DSN1: variants seen among roughly 807,000 people sequenced by gnomAD.
DSN1 encodes DSN1 component of MIS12 kinetochore complex, also known as kinetochore-associated protein DSN1 homolog.
DSN1 carries 31 observed loss-of-function variants against 45.7 expected under a neutral mutation model. The observed-to-expected ratio is 0.68, with a 90% CI of 0.51 to 0.92. The LOEUF (loss-of-function observed/expected upper bound fraction) is 0.92. Ranked by LOEUF, DSN1 falls within the 40% of genes least tolerant of loss-of-function variation. The pLI, the probability that DSN1 is intolerant of heterozygous loss-of-function variation, is 0.00. For missense variants in DSN1, 394 were observed against 414.2 expected, an observed-to-expected ratio of 0.95 and a Z score of 0.42; for synonymous variants, 134 against 142.3, an observed-to-expected ratio of 0.94 and a Z score of 0.41.
chr20:36,758,522 G>A (rs771748756), intron 7 of DSN1, 36 bp downstream of exon 7: 1 of 1,566,004 alleles, frequency 6.4e-7, no homozygotes, highest in Non-Finnish European at 8.7e-7. Flanking sequence ...CCAGATGGGA[G>A]AACGAATTTA....
intron 10 of DSN1, among the ~76,000 whole-genome samples, chr20:36,753,168 A>C (rs1296420576): frequency 6.3e-5 from 9 of 143,272 alleles, no homozygotes; most frequent in African/African-American, 2.1e-4. Context: ...ACACAGTAAG[A>C]CCTTGTCTCT....
chr20:36,771,907 G>T (rs1047307417), intron 1 of DSN1, among the ~76,000 whole-genome samples: 1 of 152,108 alleles, frequency 6.6e-6, no homozygotes, highest in Non-Finnish European at 1.5e-5. Flanking sequence ...TTGAGACAGG[G>T]TCTTGCTCTG....
At chr20:36,754,572 G>A (rs1442610588) in intron 10 of DSN1, among the ~76,000 whole-genome samples, 191 bp downstream of exon 10, 1 of 152,142 alleles carries the variant, frequency 6.6e-6, no homozygotes, top group Non-Finnish European at 1.5e-5. Context: ...CTGTGCTTCT[G>A]TAGAATTTAC....
In DSN1 at chr20:36,752,422, G is replaced by A. The variant is rs146919614; in HGVS notation, c.*366C>T. On this transcript the variant is annotated 3_prime_UTR_variant, in exon 11 of 11. Transcript: ENST00000373750. ...AAATTAGTATCATTCCTTTACAATCGGAATCCAACTTGGCCACTAAAATGT... is the reference window on the plus strand; with the variant it reads ...AAATTAGTATCATTCCTTTACAATCAGAATCCAACTTGGCCACTAAAATGT... The A allele has an allele frequency of 5.8e-5, 10 of 171,660 alleles. No homozygotes were observed. In the East Asian group the frequency reaches 6.4e-4, roughly 11 times the overall value. The allele number at this position is 171,660 out of a possible 1,614,324, so 10.6% of individuals were successfully genotyped here.
rs1156515210 is a variant in DSN1 at position 36,770,979 on chromosome 20, T to C, written c.249A>G (p.Gln83=). The change falls in exon 3 of 11, where the codon CAA becomes CAG. Residue 83 remains glutamine (Q), a synonymous_variant. Coordinates refer to ENST00000373750, the MANE Select transcript of DSN1 (RefSeq NM_001145315.2). ...TGTCTTGATAACTGGCAGATTGTTC[T>C]TGAGGAGACAAATGAAGGGACTTCG... ...LQSKSLHLSP[Q]EQSASYQDRR... is the part of the protein sequence containing the mutation. The C allele has an allele frequency of 1.9e-6, 3 of 1,614,098 alleles. No individual in the cohort carries two copies. The highest frequency in any genetic ancestry group is 2.5e-6 in the Non-Finnish European group (3 of 1,180,054).
intron 6 of DSN1, among the ~76,000 whole-genome samples, chr20:36,761,691 T>C (rs1833745090): frequency 6.6e-6 from 1 of 151,104 alleles, no homozygotes; most frequent in African/African-American, 2.4e-5. Context: ...TGAAACTTCA[T>C]CTCTAGAAAA....
intron 3 of DSN1, among the ~76,000 whole-genome samples, chr20:36,769,618 A>C (rs1187957396): frequency 6.6e-6 from 1 of 152,214 alleles, no homozygotes; most frequent in Non-Finnish European, 1.5e-5. Flanking sequence ...CCTTAAAACT[A>C]ATCACAGTAG....
chr20:36,758,284 A>G, intron 7 of DSN1, 123 bp from the exon 8 acceptor site: 1 of 947,762 alleles, frequency 1.1e-6, no homozygotes, highest in East Asian at 2.6e-5. Flanking sequence ...AGGTCATTAC[A>G]GGGTTAGAAA....
chr20:36,770,734 T>C (rs998706988), intron 3 of DSN1, 139 bp downstream of exon 3: 16 of 935,864 alleles, frequency 1.7e-5, no homozygotes, highest in Non-Finnish European at 3.2e-6. Flanking sequence ...TACTAGGTGT[T>C]TGACATCAGT....
intron 5 of DSN1, 93 bp downstream of exon 5, chr20:36,766,675 AG>A: frequency 9.3e-7 from 1 of 1,075,180 alleles, no homozygotes. Flanking sequence ...TGGGGGAGCT[AG>A]TTTTATAAGG....
chr20:36,770,794 C>T, intron 3 of DSN1, 79 bp downstream of exon 3: 1 of 1,479,738 alleles, frequency 6.8e-7, no homozygotes, highest in Non-Finnish European at 9.0e-7. Context: ...TCTGCCATAC[C>T]TCACTGCCTC....
chr20:36,769,280 G>T (rs1015724143), intron 3 of DSN1, among the ~76,000 whole-genome samples: 3 of 152,224 alleles, frequency 2.0e-5, no homozygotes, highest in African/African-American at 7.2e-5. Context: ...TCAGCTGGTT[G>T]TGTTTTTAAA....
In DSN1 at chr20:36,758,172, C is replaced by G; in HGVS notation, c.651-11G>C. ...CGTTCTAAAGAAAACCTGTAAGAAT[C>G]AGGAAAAAAAGTTCAGTTAATTTTT... On this transcript the variant is annotated splice_polypyrimidine_tract_variant and intron_variant, in intron 7 of 10. Transcript: ENST00000373750. 1 of 1,612,356 alleles carries G rather than the reference C, an allele frequency of 6.2e-7. No individual in the cohort carries two copies. The highest frequency in any genetic ancestry group is 8.5e-7 in the Non-Finnish European group (1 of 1,179,046).
At chr20:36,753,005 C>A in intron 10 of DSN1, 108 bp from the exon 11 acceptor site, 1 of 858,946 alleles carries the variant, frequency 1.2e-6, no homozygotes, top group East Asian at 2.5e-5. Context: ...ATTACAAAGA[C>A]AAATAAGAGA....
In DSN1 at chr20:36,754,782, C is replaced by A. The variant is rs1986581127; in HGVS notation, c.942G>T (p.Gln314His). Reference sequence around the variant, plus strand: ...GCTTACCGAGCTGTACTGACACCTTCTGGAAGCACTGGGTACTTTCATCCA... The same window carrying A: ...GCTTACCGAGCTGTACTGACACCTTATGGAAGCACTGGGTACTTTCATCCA... Reference protein sequence around the residue: ...AFMDESTQCFQKVSVQLGKRS... With the variant: ...AFMDESTQCFHKVSVQLGKRS... The change falls in exon 10 of 11, where the codon CAG (glutamine) becomes CAT (histidine). Residue 314 changes from glutamine (Q) to histidine (H), a missense_variant. Coordinates refer to ENST00000373750, the MANE Select transcript of DSN1 (RefSeq NM_001145315.2). The A allele has an allele frequency of 6.2e-7, 1 of 1,613,830 alleles. No homozygotes were observed. The highest frequency in any genetic ancestry group is 1.3e-5 in the African/African-American group (1 of 74,912).
intron 1 of DSN1, among the ~76,000 whole-genome samples, chr20:36,772,700 G>C (rs1355619018): frequency 6.6e-6 from 1 of 152,216 alleles, no homozygotes; most frequent in Non-Finnish European, 1.5e-5. Flanking sequence ...CCTATTCCCT[G>C]TACTACTTCT....
chr20:36,767,197 C>T (rs1013324234), intron 4 of DSN1, among the ~76,000 whole-genome samples: 2 of 151,832 alleles, frequency 1.3e-5, no homozygotes, highest in Non-Finnish European at 2.9e-5. Flanking sequence ...GTCCCAGCTA[C>T]TCGGGAGGCT....
chr20:36,753,843 C>A (rs1404098865), intron 10 of DSN1, among the ~76,000 whole-genome samples: 2 of 149,422 alleles, frequency 1.3e-5, no homozygotes, highest in Non-Finnish European at 3.0e-5. Flanking sequence ...CCCGTCTCTA[C>A]TAAAAATATA....
At chr20:36,758,195 T>A in intron 7 of DSN1, 34 bp from the exon 8 acceptor site, 1 of 1,574,482 alleles carries the variant, frequency 6.4e-7, no homozygotes, top group Non-Finnish European at 8.7e-7. Context: ...TCAGTTAATT[T>A]TTATAATCTT....
Sources: allele counts gnomAD v4.1 joint callset (sites outside exome capture counted in the v4.1 genomes callset), GRCh38; gene constraint gnomAD v4.1.1; transcripts MANE v1.5; gene names NCBI Gene and HGNC (gene_info 2026-07-23, HGNC 2026-07-21).